Variants in GPATCH2 observed in about 807,000 individuals in gnomAD.
GPATCH2 encodes G patch domain-containing protein 2.
GPATCH2 carries 51 observed loss-of-function variants against 58.0 expected under a neutral mutation model. The ratio of observed to expected loss-of-function variants is 0.88; its 90% confidence interval spans 0.70 to 1.11. GPATCH2 has a LOEUF of 1.11. Among genes scored for constraint, GPATCH2 ranks in the 50% most tolerant of loss-of-function variants. GPATCH2 has a pLI of 0.00. For missense variants in GPATCH2, 625 were observed against 652.2 expected, an observed-to-expected ratio of 0.96 and a Z score of 0.45; for synonymous variants, 222 against 218.5, an observed-to-expected ratio of 1.02 and a Z score of -0.14.
chr1:217,448,198 T>TA, intron 9 of GPATCH2, among the ~76,000 whole-genome samples: 1 of 152,230 alleles, frequency 6.6e-6, no homozygotes, highest in Middle Eastern at 3.4e-3. Flanking sequence ...TGCATATACT[T>TA]ACATATATTT....
chr1:217,492,675 T>C (rs1661804401), intron 7 of GPATCH2: 1 of 152,214 alleles, frequency 6.6e-6, no homozygotes, highest in Non-Finnish European at 1.5e-5. Context: ...ACTTAACTTC[T>C]CTAAGCCTTG....
intron 8 of GPATCH2, among the ~76,000 whole-genome samples, chr1:217,471,711 CT>C (rs574348062): frequency 2.6e-5 from 4 of 151,124 alleles, no homozygotes; most frequent in East Asian, 1.9e-4. Flanking sequence ...TCTATTGTCA[CT>C]TTTTTTTTCA....
intron 5 of GPATCH2, among the ~76,000 whole-genome samples, chr1:217,525,942 A>C (rs1165345727): frequency 6.6e-6 from 1 of 152,214 alleles, no homozygotes; most frequent in African/African-American, 2.4e-5. Context: ...CACATGATCA[A>C]CATTTTGGCA....
At chr1:217,574,738 AG>A (rs1448513181) in intron 5 of GPATCH2, among the ~76,000 whole-genome samples, 2 of 152,342 alleles carry the variant, frequency 1.3e-5, no homozygotes, top group Admixed American at 6.5e-5. Flanking sequence ...ACAAAGGTAC[AG>A]AGATTAAGTA....
chr1:217,436,309 A>G (rs1658829959), intron 9 of GPATCH2, among the ~76,000 whole-genome samples: 1 of 152,194 alleles, frequency 6.6e-6, no homozygotes, highest in Non-Finnish European at 1.5e-5. Context: ...GCCTACACAA[A>G]GCATGTGGTA....
chr1:217,437,748 T>C (rs949254797), intron 9 of GPATCH2, among the ~76,000 whole-genome samples: 2 of 152,062 alleles, frequency 1.3e-5, no homozygotes, highest in Non-Finnish European at 2.9e-5. Context: ...GGCTTATAGA[T>C]AAAAAACCCC....
chr1:217,495,805 A>G (rs1297304290), intron 7 of GPATCH2, among the ~76,000 whole-genome samples: 3 of 152,238 alleles, frequency 2.0e-5, no homozygotes, highest in African/African-American at 4.8e-5. Context: ...TCCTCAATAG[A>G]TAGTGGCTGG....
intron 5 of GPATCH2, among the ~76,000 whole-genome samples, chr1:217,551,995 AT>A (rs1010639714): frequency 6.6e-6 from 1 of 152,136 alleles, no homozygotes; most frequent in Non-Finnish European, 1.5e-5. Context: ...AAATAAGATA[AT>A]TTTTTAAATT....
intron 6 of GPATCH2, among the ~76,000 whole-genome samples, chr1:217,499,801 A>T (rs2102550397): frequency 6.6e-6 from 1 of 152,108 alleles, no homozygotes; most frequent in African/African-American, 2.4e-5. Context: ...AAAGAAAAAA[A>T]CTAAAAGGAT....
At chr1:217,612,697 A>C (rs1191604904) in intron 3 of GPATCH2, among the ~76,000 whole-genome samples, 1 of 152,176 alleles carries the variant, frequency 6.6e-6, no homozygotes, top group Non-Finnish European at 1.5e-5. Flanking sequence ...AGAAAAATAA[A>C]GTTATTTTAT....
intron 5 of GPATCH2, among the ~76,000 whole-genome samples, chr1:217,523,842 G>C (rs1475025029): frequency 4.0e-5 from 6 of 148,458 alleles, no homozygotes; most frequent in African/African-American, 1.5e-4. Flanking sequence ...GTGGCTGGCC[G>C]GGCGGGGGGC....
Position 217,523,939 on chromosome 1 carries a change from C to T in GPATCH2, c.1099-9050G>A, listed in dbSNP as rs527837629. 6.9e-5 allele frequency among the ~76,000 whole-genome samples: 9 copies of T among 129,562 alleles called. 1 individual carries two copies. Among genetic ancestry groups the T allele is most frequent in the South Asian group, 2.6e-4 (1 of 3,878 alleles). The allele number at this position is 129,562 out of a possible 152,430, so 85.0% of individuals were successfully genotyped here. On this transcript the variant is annotated intron_variant, in intron 5 of 9. Transcript: ENST00000366935. Reference sequence around the variant, plus strand: ...CTCCCTCCCGGACGGGGCAGTTGGCCGGGCGGGGGGCTGACCCCCACACCT... The same window carrying T: ...CTCCCTCCCGGACGGGGCAGTTGGCTGGGCGGGGGGCTGACCCCCACACCT...
intron 1 of GPATCH2, among the ~76,000 whole-genome samples, chr1:217,625,462 A>G (rs1159005363): frequency 1.3e-5 from 2 of 152,326 alleles, no homozygotes; most frequent in East Asian, 3.9e-4. Flanking sequence ...GCAAGAGTGA[A>G]GAAAGCCCCA....
Position 217,583,300 on chromosome 1 carries a change from G to T in GPATCH2, c.1098+27021C>A, listed in dbSNP as rs188268174. Among the ~76,000 whole-genome samples the T allele has an allele frequency of 5.0e-4, 76 of 152,196 alleles. No homozygotes were observed. In the East Asian group the frequency reaches 9.7e-3, roughly 19 times the overall value. On this transcript the variant is annotated intron_variant, in intron 5 of 9. Coordinates refer to ENST00000366935, the MANE Select transcript of GPATCH2 (RefSeq NM_018040.5). ...AAAGATAGAAGACTGAGTCGGGCGG[G>T]GTGGCTCATGCCTGTATTCCCAGCA...
chr1:217,477,071 G>A (rs1355182013), intron 8 of GPATCH2, among the ~76,000 whole-genome samples: 1 of 152,110 alleles, frequency 6.6e-6, no homozygotes, highest in Admixed American at 6.5e-5. Flanking sequence ...ACCAGTCAGA[G>A]TTGTGAGGCC....
chr1:217,554,452 G>GTATC (rs1665521867), intron 5 of GPATCH2, among the ~76,000 whole-genome samples: 2 of 152,104 alleles, frequency 1.3e-5, no homozygotes, highest in Admixed American at 1.3e-4. Flanking sequence ...TGATTAACTT[G>GTATC]TATCTATAGT....
intron 5 of GPATCH2, 194 bp downstream of exon 5, chr1:217,610,127 C>A (rs770955343): frequency 6.5e-7 from 1 of 1,548,220 alleles, no homozygotes; most frequent in Non-Finnish European, 8.7e-7. Context: ...ATGTTCAAAA[C>A]GTAACTAATT....
At position 217,514,883 on chromosome 1, in the gene GPATCH2, T is replaced by C. The variant is rs752870465; in HGVS notation, c.1105A>G (p.Ile369Val). 7.4e-6 allele frequency: 11 copies of C among 1,484,900 alleles called. No homozygotes were observed. Among genetic ancestry groups the C allele is most frequent in the Middle Eastern group, 1.7e-4 (1 of 5,828 alleles). 92.0% of individuals were successfully genotyped at this position (1,484,900 alleles called of 1,614,324 possible). A position where few individuals can be genotyped will look rare whatever the true frequency, so the allele number is the denominator to read the frequency against. The change falls in exon 6 of 10, where the codon ATT becomes GTT. Residue 369 changes from isoleucine (I) to valine (V), a missense_variant. Physicochemically the swap from Ile to Val is conservative, Grantham distance 29. Transcript: ENST00000366935. The stretch of plus-strand genomic sequence containing the variant: ...CTCTTGTTACCCACTGGGCCAGGAA[T>C]GGGTACCTACAGGGAGATTTAAAAA... ...SGGTPTSMVPIPGPVGNKRMV... is the reference protein window; with the variant it reads ...SGGTPTSMVPVPGPVGNKRMV...
At chr1:217,574,071 C>T (rs1666695680) in intron 5 of GPATCH2, among the ~76,000 whole-genome samples, 1 of 152,064 alleles carries the variant, frequency 6.6e-6, no homozygotes, top group South Asian at 2.1e-4. Context: ...CAAATAGGAA[C>T]CACTGTTTGA....
Sources: allele counts gnomAD v4.1 joint callset (sites outside exome capture counted in the v4.1 genomes callset), GRCh38; gene constraint gnomAD v4.1.1; transcripts MANE v1.5; gene names NCBI Gene and HGNC (gene_info 2026-07-23, HGNC 2026-07-21).